Variants in MYO1H observed in about 807,000 individuals in gnomAD.
MYO1H encodes the protein myosin IH, also known as unconventional myosin-Ih.
Under a neutral mutation model 149.3 loss-of-function variants are expected in MYO1H, and 118 were observed. The observed-to-expected ratio is 0.79, with a 90% CI of 0.68 to 0.92. MYO1H has a LOEUF of 0.92. MYO1H is among the 40% of genes least tolerant of loss of function. The pLI is 0.00. For missense variants in MYO1H, 1,212 were observed against 1,280.7 expected, an observed-to-expected ratio of 0.95 and a Z score of 0.82; for synonymous variants, 447 against 465.2, an observed-to-expected ratio of 0.96 and a Z score of 0.50.
chr12:109,404,090 T>C lies in MYO1H; in HGVS notation c.849+10T>C. 6.2e-7 allele frequency: 1 copy of C among 1,603,920 alleles called. No homozygotes were observed. The highest frequency in any genetic ancestry group is 8.5e-7 in the Non-Finnish European group (1 of 1,171,792). Reference sequence around the variant, plus strand: ...TGAAGCTGACCTCGAGGTACGTGCTTTTGCAGCAGAACTGATAGTTCCCCC... The same window carrying C: ...TGAAGCTGACCTCGAGGTACGTGCTCTTGCAGCAGAACTGATAGTTCCCCC... On this transcript the variant is annotated intron_variant, in intron 7 of 31. Coordinates refer to ENST00000310903, the Ensembl canonical transcript of MYO1H.
At chr12:109,446,444 T>G in intron 31 of MYO1H, 1 of 985,418 alleles carries the variant, frequency 1.0e-6, no homozygotes, top group Non-Finnish European at 1.2e-6. Flanking sequence ...TCATACACAT[T>G]TAAATTTAAG....
intron 1 of MYO1H, among the ~76,000 whole-genome samples, chr12:109,388,195 G>GA (rs1491052551): frequency 7.3e-6 from 1 of 137,212 alleles, no homozygotes; most frequent in Non-Finnish European, 1.5e-5. Flanking sequence ...TTTAAAAAAA[G>GA]AAAAAATTCA....
At chr12:109,440,934 C>G in intron 25 of MYO1H, 107 bp downstream of exon 25, 1 of 796,790 alleles carries the variant, frequency 1.3e-6, no homozygotes, top group South Asian at 1.6e-5. Flanking sequence ...GGGGGTCATG[C>G]TAGTCCCATG....
intron 11 of MYO1H, 58 bp downstream of exon 11, chr12:109,409,682 A>C: frequency 1.5e-6 from 2 of 1,365,678 alleles, no homozygotes; most frequent in Non-Finnish European, 1.0e-6. Context: ...ATTTCAGTCG[A>C]GATTTAAATC....
intron 28 of MYO1H, among the ~76,000 whole-genome samples, chr12:109,444,004 C>T (rs35393419): frequency 0.19 from 28,465 of 152,134 alleles, 3,283 homozygotes; most frequent in East Asian, 0.34. Context: ...CACCACTTTA[C>T]TCAAGTACCC....
chr12:109,347,356 A>AT (rs914687225), upstream of MYO1H, among the ~76,000 whole-genome samples: 2 of 152,174 alleles, frequency 1.3e-5, no homozygotes, highest in African/African-American at 4.8e-5. Context: ...CAACCTTGTG[A>AT]TTTTTTATGA....
chr12:109,404,095 A>G lies in MYO1H; in HGVS notation c.849+15A>G. 2 of 1,588,276 alleles carry G rather than the reference A, an allele frequency of 1.3e-6. No individual in the cohort carries two copies. Among genetic ancestry groups the G allele is most frequent in the Non-Finnish European group, 1.7e-6 (2 of 1,157,898 alleles). On this transcript the variant is annotated intron_variant, in intron 7 of 31. Transcript: ENST00000310903. ...CTGACCTCGAGGTACGTGCTTTTGC[A>G]GCAGAACTGATAGTTCCCCCTGGGA...
chr12:109,426,138 C>A, intron 18 of MYO1H, 87 bp downstream of exon 18: 1 of 856,568 alleles, frequency 1.2e-6, no homozygotes, highest in East Asian at 2.5e-5. Flanking sequence ...TCCTAAACAC[C>A]ACCACAAGCT....
chr12:109,326,934 C>T, the MYO1H span, among the ~76,000 whole-genome samples: 1 of 152,096 alleles, frequency 6.6e-6, no homozygotes, highest in African/African-American at 2.4e-5. Flanking sequence ...AACTTTCCCC[C>T]CACTCTATGA....
intron 10 of MYO1H, among the ~76,000 whole-genome samples, chr12:109,409,248 T>TCTTC (rs1566031797): frequency 1.1e-4 from 3 of 27,136 alleles, no homozygotes; most frequent in Non-Finnish European, 2.3e-4. Flanking sequence ...TTCTTCTTCT[T>TCTTC]TTTTTTTTTT....
chr12:109,348,395 G>A (rs1868386004), intron 1 of MYO1H, among the ~76,000 whole-genome samples: 1 of 152,220 alleles, frequency 6.6e-6, no homozygotes, highest in Non-Finnish European at 1.5e-5. Flanking sequence ...AGCCACATGT[G>A]GCTAGTGGCT....
intron 25 of MYO1H, 25 bp downstream of exon 25, chr12:109,440,852 C>T: frequency 6.6e-7 from 1 of 1,511,448 alleles, no homozygotes. Context: ...TCTGCGGTGG[C>T]CGGTGGTGGG....
exon 12 of MYO1H, chr12:109,409,979 A>G: frequency 6.5e-7 from 1 of 1,534,854 alleles, no homozygotes; most frequent in Non-Finnish European, 8.8e-7. Flanking sequence ...ACAGTTCTGT[A>G]TAAATTACTG....
intron 15 of MYO1H, among the ~76,000 whole-genome samples, chr12:109,417,871 G>A (rs1015856667): frequency 2.0e-5 from 3 of 151,020 alleles, no homozygotes; most frequent in East Asian, 2.0e-4. Flanking sequence ...ACTGGAGTCC[G>A]GTGGCGCGAT....
chr12:109,406,726 A>T (rs781114819), intron 8 of MYO1H, 63 bp from the exon 9 acceptor site: 14 of 1,515,058 alleles, frequency 9.2e-6, no homozygotes, highest in Non-Finnish European at 1.3e-5. Context: ...GTCTCTAAAA[A>T]AATAATAAAA....
chr12:109,429,368 G>A (rs765291317), intron 19 of MYO1H, among the ~76,000 whole-genome samples: 5 of 152,068 alleles, frequency 3.3e-5, no homozygotes, highest in African/African-American at 4.8e-5. Context: ...CTCCACACCC[G>A]CGGGTTCCAC....
intron 4 of MYO1H, among the ~76,000 whole-genome samples, chr12:109,397,007 T>C (rs1339383853): frequency 2.0e-5 from 3 of 151,758 alleles, no homozygotes; most frequent in Non-Finnish European, 2.9e-5. Flanking sequence ...TTTGCATTTT[T>C]AGTAGAGACG....
exon 8 of MYO1H, chr12:109,405,952 C>T (rs1189952967): frequency 6.8e-6 from 11 of 1,613,254 alleles, no homozygotes; most frequent in South Asian, 2.2e-5. Flanking sequence ...CAGTGTCTTA[C>T]ACCTGGGGAA....
rs1220523800 is a variant in MYO1H at position 109,410,088 on chromosome 12, C to T, written c.1329+20C>T. On this transcript the variant is annotated intron_variant, in intron 12 of 31. Transcript: ENST00000310903. Reference sequence around the variant, plus strand: ...ATAGAGGTAAACATTTTGATGTTTTCTCCTCATCTGATTTCTTCATCTAGC... The same window carrying T: ...ATAGAGGTAAACATTTTGATGTTTTTTCCTCATCTGATTTCTTCATCTAGC... The T allele has an allele frequency of 3.2e-6, 4 of 1,267,474 alleles. No individual in the cohort carries two copies. Among genetic ancestry groups the T allele is most frequent in the Admixed American group, 5.6e-5 (2 of 35,576 alleles). 78.5% of individuals were successfully genotyped at this position (1,267,474 alleles called of 1,614,324 possible). A position where few individuals can be genotyped will look rare whatever the true frequency, so the allele number is the denominator to read the frequency against.
Sources: allele counts gnomAD v4.1 joint callset (sites outside exome capture counted in the v4.1 genomes callset), GRCh38; gene constraint gnomAD v4.1.1; transcripts MANE v1.5; gene names NCBI Gene and HGNC (gene_info 2026-07-23, HGNC 2026-07-21).